GASK1A: variants seen among roughly 807,000 people sequenced by gnomAD.
The protein encoded by GASK1A is golgi associated kinase 1A, also known as Golgi-associated kinase 1A.
In GASK1A, 40 loss-of-function variants were observed where a neutral mutation model predicts 41.2. The observed-to-expected ratio is 0.97, with a 90% CI of 0.75 to 1.27. The LOEUF is 1.27. Ranked by LOEUF, GASK1A falls within the 50% of genes most tolerant of loss-of-function variation. GASK1A has a pLI of 0.00. For missense variants in GASK1A, 678 were observed against 745.1 expected (o/e 0.91, Z 1.05); for synonymous variants, 316 against 307.1 (o/e 1.03, Z -0.30).
At chr3:42,979,708 C>T (rs994188082) in intron 1 of GASK1A, 63 bp downstream of exon 1, 31 of 1,242,650 alleles carry the variant, frequency 2.5e-5, no homozygotes, top group African/African-American at 9.3e-5. Flanking sequence ...CAGGTGGCTG[C>T]AGTCAACGCG....
chr3:43,006,533 G>A (rs537286207), intron 1 of GASK1A, among the ~76,000 whole-genome samples: 4 of 152,208 alleles, frequency 2.6e-5, no homozygotes, highest in East Asian at 1.9e-4. Context: ...CTCTAGCCTC[G>A]GGTATTGTAG....
intron 1 of GASK1A, among the ~76,000 whole-genome samples, chr3:42,995,009 C>T (rs2125675072): frequency 6.6e-6 from 1 of 152,262 alleles, no homozygotes; most frequent in South Asian, 2.1e-4. Flanking sequence ...GAATGGAAAC[C>T]TTTAAATTTT....
chr3:43,025,597 G>A (rs550302970), intron 1 of GASK1A, among the ~76,000 whole-genome samples: 16 of 152,318 alleles, frequency 1.1e-4, no homozygotes, highest in African/African-American at 3.6e-4. Context: ...GCGGCTAAGT[G>A]ATCAGCCTGG....
chr3:43,039,189 G>A (rs973895919), intron 2 of GASK1A, among the ~76,000 whole-genome samples: 4 of 142,506 alleles, frequency 2.8e-5, no homozygotes, highest in Middle Eastern at 3.5e-3. Context: ...CTGCCACCAG[G>A]TAGTTTTTTT....
At chr3:43,009,281 A>C (rs888401671) in intron 1 of GASK1A, among the ~76,000 whole-genome samples, 1 of 152,218 alleles carries the variant, frequency 6.6e-6, no homozygotes, top group African/African-American at 2.4e-5. Flanking sequence ...ACAACTCATC[A>C]TCTCCCATGT....
chr3:43,050,014 G>T (rs532615455), intron 2 of GASK1A, among the ~76,000 whole-genome samples: 2 of 145,280 alleles, frequency 1.4e-5, no homozygotes, highest in East Asian at 2.0e-4. Flanking sequence ...GCTTTCAGCA[G>T]TTTTTTTTTT....
At chr3:42,987,458 G>T (rs1247332335) in intron 1 of GASK1A, among the ~76,000 whole-genome samples, 1 of 152,126 alleles carries the variant, frequency 6.6e-6, no homozygotes, top group African/African-American at 2.4e-5. Flanking sequence ...GGAGAAAAAA[G>T]TGGGGGGAGG....
chr3:42,987,775 G>T (rs2089319775), intron 1 of GASK1A, among the ~76,000 whole-genome samples: 1 of 152,050 alleles, frequency 6.6e-6, no homozygotes, highest in Admixed American at 6.5e-5. Flanking sequence ...GAGGTGGACA[G>T]ATCACCTGAG....
At position 42,994,590 on chromosome 3, in the gene GASK1A, G is replaced by A. The variant is rs60549782; in HGVS notation, c.3+14945G>A. 5.7e-3 allele frequency among the ~76,000 whole-genome samples: 864 copies of A among 152,072 alleles called. 10 individuals carry two copies. Among genetic ancestry groups the A allele is most frequent in the East Asian group, 0.031 (157 of 5,144 alleles). On this transcript the variant is annotated intron_variant, in intron 1 of 4. Transcript: ENST00000430121. ...TTGGGACTGGGCTGAGAGGGCATTC[G>A]GTAGACAAGCAGAACATTTTCTTTG... is the stretch of plus-strand genomic sequence containing the variant.
At chr3:43,017,508 C>T (rs957552564) in intron 1 of GASK1A, among the ~76,000 whole-genome samples, 5 of 136,882 alleles carry the variant, frequency 3.7e-5, no homozygotes, top group Admixed American at 7.7e-5. Flanking sequence ...TGTCAAGCTA[C>T]AGGAAGGGGC....
chr3:43,055,828 G>A (rs996028777), intron 4 of GASK1A: 2 of 477,200 alleles, frequency 4.2e-6, no homozygotes, highest in African/African-American at 1.9e-5. Flanking sequence ...CTAGGCCAGA[G>A]AGTCTACCCC....
chr3:43,016,274 G>C (rs1191938141), intron 1 of GASK1A, among the ~76,000 whole-genome samples: 4 of 151,758 alleles, frequency 2.6e-5, no homozygotes, highest in Non-Finnish European at 5.9e-5. Flanking sequence ...AAGGGGCTGT[G>C]ATGACAGGGA....
At chr3:43,051,234 C>G (rs1242549113) in intron 2 of GASK1A, among the ~76,000 whole-genome samples, 1 of 152,014 alleles carries the variant, frequency 6.6e-6, no homozygotes, top group Non-Finnish European at 1.5e-5. Context: ...TTTTTATGAA[C>G]AAATTCTATA....
chr3:43,012,249 T>A (rs183906786), intron 1 of GASK1A, among the ~76,000 whole-genome samples: 1 of 140,180 alleles, frequency 7.1e-6, no homozygotes, highest in Non-Finnish European at 1.5e-5. Context: ...GCTTCTGAGG[T>A]CACAGGAAGG....
rs996940927 is a variant in GASK1A at position 43,032,903 on chromosome 3, G to A, written c.640G>A (p.Gly214Arg). 6.4e-7 allele frequency: 1 copy of A among 1,551,014 alleles called. No individual in the cohort carries two copies. ...LGAENRALTG[G>R]QQAEDPTLAS... is the part of the protein sequence containing the mutation. Reference sequence around the variant, plus strand: ...AGCTGAGAACAGAGCCTTGACTGGTGGGCAACAAGCAGAGGATCCCACCTT... The same window carrying A: ...AGCTGAGAACAGAGCCTTGACTGGTAGGCAACAAGCAGAGGATCCCACCTT... The change falls in exon 2 of 5, where the codon GGG (glycine) becomes AGG (arginine). Residue 214 changes from glycine (G) to arginine (R), a missense_variant. By Grantham distance (125) the Gly-to-Arg change is moderately radical (BLOSUM62 -2). Coordinates refer to ENST00000430121, the MANE Select transcript of GASK1A (RefSeq NM_001129908.3).
At chr3:43,001,521 A>G (rs541396047) in intron 1 of GASK1A, among the ~76,000 whole-genome samples, 24 of 152,322 alleles carry the variant, frequency 1.6e-4, no homozygotes, top group African/African-American at 5.8e-4. Flanking sequence ...AAGAATGCAG[A>G]GCTTGCCTAT....
intron 2 of GASK1A, among the ~76,000 whole-genome samples, chr3:43,047,113 G>A (rs1160415893): frequency 6.6e-6 from 1 of 152,240 alleles, no homozygotes; most frequent in Non-Finnish European, 1.5e-5. Context: ...GCTGCCTGAT[G>A]GAGCTGTGAG....
intron 1 of GASK1A, among the ~76,000 whole-genome samples, chr3:42,999,360 G>A (rs1378979598): frequency 6.6e-6 from 1 of 152,226 alleles, no homozygotes; most frequent in Non-Finnish European, 1.5e-5. Flanking sequence ...CCTTCCACAT[G>A]CAGCAAACCC....
intron 1 of GASK1A, among the ~76,000 whole-genome samples, chr3:42,998,784 G>A (rs1345276245): frequency 4.6e-5 from 7 of 152,302 alleles, no homozygotes; most frequent in East Asian, 1.9e-4. Context: ...TCTGGTGCCA[G>A]TTCACCTGAT....
Sources: allele counts gnomAD v4.1 joint callset (sites outside exome capture counted in the v4.1 genomes callset), GRCh38; gene constraint gnomAD v4.1.1; transcripts MANE v1.5; gene names NCBI Gene and HGNC (gene_info 2026-07-23, HGNC 2026-07-21).